Variants in RSPH14 observed in about 807,000 individuals in gnomAD.
RSPH14 encodes radial spoke head 14 homolog.
Under a neutral mutation model 26.7 loss-of-function variants are expected in RSPH14, and 20 were observed. That is an observed-to-expected ratio of 0.75 (90% CI 0.53 to 1.09). The LOEUF (loss-of-function observed/expected upper bound fraction) is 1.09, where lower values mean the gene tolerates loss of function less well. Ranked by LOEUF, RSPH14 falls within the 50% of genes least tolerant of loss-of-function variation. The pLI, the probability that RSPH14 is intolerant of heterozygous loss-of-function variation, is 0.00. For synonymous variants in RSPH14, 177 were observed against 189.3 expected, an observed-to-expected ratio of 0.93 and a Z score of 0.53; for missense variants, 449 against 457.2, an observed-to-expected ratio of 0.98 and a Z score of 0.16.
intron 4 of RSPH14, among the ~76,000 whole-genome samples, chr22:23,097,782 G>T (rs188894447): frequency 6.6e-6 from 1 of 152,376 alleles, no homozygotes; most frequent in East Asian, 1.9e-4. Context: ...GGGCTGAGAA[G>T]CTGCAAGGCA....
At chr22:23,174,770 A>G in the RSPH14 span, among the ~76,000 whole-genome samples, 1 of 151,940 alleles carries the variant, frequency 6.6e-6, no homozygotes, top group East Asian at 2.0e-4. Flanking sequence ...GGAGTTCGCA[A>G]CCAGCCTGAC....
Position 23,061,795 on chromosome 22 carries a change from C to G in RSPH14, c.790+14G>C, listed in dbSNP as rs1368076622. The stretch of plus-strand genomic sequence containing the variant: ...CTAGGGTCTCCCTCCCTGCGGCACC[C>G]CCCACCGCCTCACCTTCAGTGATCA... On this transcript the variant is annotated intron_variant, in intron 6 of 6. Transcript: ENST00000216036. 2 of 1,613,628 alleles carry G rather than the reference C, an allele frequency of 1.2e-6. No homozygotes were observed. Among genetic ancestry groups the G allele is most frequent in the African/African-American group, 2.7e-5 (2 of 74,888 alleles).
chr22:23,061,701 C>A, intron 6 of RSPH14, 108 bp downstream of exon 6: 2 of 1,233,650 alleles, frequency 1.6e-6, no homozygotes, highest in Non-Finnish European at 2.2e-6. Flanking sequence ...TTTTTTTTTG[C>A]AAAGTGTGGA....
the RSPH14 span, among the ~76,000 whole-genome samples, chr22:23,159,620 G>A: frequency 6.6e-6 from 1 of 152,146 alleles, no homozygotes. Flanking sequence ...TAACTTCCAG[G>A]GCCACAGGGT....
chr22:23,101,448 G>C, intron 4 of RSPH14, among the ~76,000 whole-genome samples: 1 of 152,182 alleles, frequency 6.6e-6, no homozygotes, highest in East Asian at 1.9e-4. Flanking sequence ...AGTGACACCT[G>C]GGCTTGGGAG....
At chr22:23,167,399 G>A in the RSPH14 span, among the ~76,000 whole-genome samples, 4 of 152,238 alleles carry the variant, frequency 2.6e-5, no homozygotes, top group East Asian at 3.9e-4. Flanking sequence ...CACAGGGACC[G>A]GAGCAAGGCA....
intron 4 of RSPH14, among the ~76,000 whole-genome samples, chr22:23,120,326 G>A (rs771456249): frequency 1.8e-4 from 28 of 152,198 alleles, no homozygotes; most frequent in African/African-American, 5.1e-4. Context: ...GTTTCATGGC[G>A]TTGGACAAGA....
At chr22:23,086,506 C>A (rs1456919390) in intron 4 of RSPH14, among the ~76,000 whole-genome samples, 1 of 152,232 alleles carries the variant, frequency 6.6e-6, no homozygotes, top group Non-Finnish European at 1.5e-5. Flanking sequence ...ACCTTCCTCT[C>A]CTCCCAGTGG....
intron 4 of RSPH14, among the ~76,000 whole-genome samples, chr22:23,065,589 T>C (rs2068192883): frequency 7.2e-6 from 1 of 138,932 alleles, no homozygotes; most frequent in Admixed American, 7.3e-5. Context: ...AAACATATCC[T>C]TTCCAATCTG....
intron 4 of RSPH14, among the ~76,000 whole-genome samples, chr22:23,082,054 C>A (rs1449289818): frequency 7.3e-6 from 1 of 137,688 alleles, no homozygotes; most frequent in South Asian, 2.5e-4. Context: ...GAACCCAGGA[C>A]GCGGAGCTTG....
chr22:23,110,315 C>T (rs2069609162), intron 4 of RSPH14, among the ~76,000 whole-genome samples: 1 of 152,174 alleles, frequency 6.6e-6, no homozygotes, highest in South Asian at 2.1e-4. Flanking sequence ...GTGAACAGAA[C>T]TGGAGGGCAT....
At chr22:23,154,102 C>G in the RSPH14 span, among the ~76,000 whole-genome samples, 4 of 152,074 alleles carry the variant, frequency 2.6e-5, no homozygotes, top group Non-Finnish European at 5.9e-5. Context: ...ACTCTCCCAC[C>G]CCTTACCCTC....
At chr22:23,083,745 G>A (rs1243520156) in intron 4 of RSPH14, among the ~76,000 whole-genome samples, 1 of 152,192 alleles carries the variant, frequency 6.6e-6, no homozygotes, top group African/African-American at 2.4e-5. Context: ...CAGTTTGTGG[G>A]GCATCCCTTC....
At chr22:23,124,093 T>A (rs1429415455) in intron 4 of RSPH14, 1 of 214,394 alleles carries the variant, frequency 4.7e-6, no homozygotes, top group African/African-American at 2.4e-5. Flanking sequence ...ACAAAACGAG[T>A]GGCACGATTT....
the RSPH14 span, chr22:23,159,232 T>C: frequency 4.4e-6 from 7 of 1,600,732 alleles, no homozygotes; most frequent in Non-Finnish European, 6.0e-6. Context: ...GGCCGAGTAC[T>C]GGTCAGTGTC....
At chr22:23,099,118 A>C (rs1601799045) in intron 4 of RSPH14, among the ~76,000 whole-genome samples, 1 of 150,400 alleles carries the variant, frequency 6.6e-6, no homozygotes, top group Non-Finnish European at 1.5e-5. Flanking sequence ...GTGCCTCCCC[A>C]CCCCCACGCC....
intron 4 of RSPH14, among the ~76,000 whole-genome samples, chr22:23,073,181 C>T (rs562292189): frequency 1.3e-5 from 2 of 152,292 alleles, no homozygotes; most frequent in South Asian, 2.1e-4. Flanking sequence ...GGCAGGTGCA[C>T]GGGCACACTG....
At chr22:23,151,746 C>T in the RSPH14 span, among the ~76,000 whole-genome samples, 480 of 152,308 alleles carry the variant, frequency 3.2e-3, 4 homozygotes, top group African/African-American at 0.011. Context: ...GTCCGAGAAA[C>T]GCCTCTGCAC....
chr22:23,152,787 C>T, the RSPH14 span, among the ~76,000 whole-genome samples: 1 of 152,154 alleles, frequency 6.6e-6, no homozygotes, highest in African/African-American at 2.4e-5. Flanking sequence ...CCTCCACTGC[C>T]CTCCCTGCAA....
Sources: gnomAD v4.1 joint callset for allele counts (sites outside exome capture counted in the v4.1 genomes callset) on GRCh38, gnomAD v4.1.1 for gene constraint, MANE v1.5 for transcripts, NCBI Gene and HGNC (gene_info 2026-07-23, HGNC 2026-07-21) for gene names.